Variants in FARP2 observed in about 807,000 individuals in gnomAD.
FARP2 encodes FERM, ARHGEF and pleckstrin domain-containing protein 2.
FARP2 carries 111 observed loss-of-function variants against 130.5 expected under a neutral mutation model. The observed-to-expected ratio is 0.85, with a 90% CI of 0.73 to 1.00. The LOEUF (loss-of-function observed/expected upper bound fraction) is 1.00, where lower values mean the gene tolerates loss of function less well. Among genes scored for constraint, FARP2 ranks in the 50% least tolerant of loss-of-function variants. The pLI, the probability that FARP2 is intolerant of heterozygous loss-of-function variation, is 0.00. For synonymous variants in FARP2, 504 were observed against 516.9 expected, an observed-to-expected ratio of 0.98 and a Z score of 0.34; for missense variants, 1,385 against 1,346.3, an observed-to-expected ratio of 1.03 and a Z score of -0.45.
intron 8 of FARP2, among the ~76,000 whole-genome samples, chr2:241,428,456 A>C (rs934274873): frequency 3.3e-5 from 5 of 151,712 alleles, no homozygotes; most frequent in Non-Finnish European, 7.4e-5. Context: ...TCAGCCTCCC[A>C]AAGTGCTGGG....
chr2:241,409,049 TAGATA>T (rs2062444033), intron 5 of FARP2, among the ~76,000 whole-genome samples: 1 of 151,130 alleles, frequency 6.6e-6, no homozygotes, highest in South Asian at 2.1e-4. Flanking sequence ...GATAGATAGA[TAGATA>T]GATAGATAGA....
Position 241,418,021 on chromosome 2 carries a change from T to C in FARP2, c.683T>C (p.Met228Thr), listed in dbSNP as rs750716049. The change falls in exon 8 of 27, where the codon ATG (methionine) becomes ACG (threonine). Residue 228 changes from methionine (M) to threonine (T), a missense_variant. Physicochemically the swap from Met to Thr is moderately conservative, Grantham distance 81 (BLOSUM62 -1). Coordinates refer to ENST00000264042, the MANE Select transcript of FARP2 (RefSeq NM_014808.4). ...QVLEIARKLE[M>T]YGIRFHMASD... ...CTCGAAATTGCTCGAAAGTTGGAAA[T>C]GTACGGCATCAGATTTCACATGGCT... 1.9e-6 allele frequency: 3 copies of C among 1,614,072 alleles called. No individual in the cohort carries two copies. Among genetic ancestry groups the C allele is most frequent in the East Asian group, 2.2e-5 (1 of 44,892 alleles).
intron 2 of FARP2, among the ~76,000 whole-genome samples, chr2:241,381,825 A>C (rs2150314173): frequency 6.6e-6 from 1 of 152,334 alleles, no homozygotes. Flanking sequence ...TAACACTTGC[A>C]CTGCAGCATC....
At chr2:241,421,130 A>G (rs895963185) in intron 8 of FARP2, among the ~76,000 whole-genome samples, 2 of 152,092 alleles carry the variant, frequency 1.3e-5, no homozygotes, top group South Asian at 4.1e-4. Context: ...GTGCAACCTC[A>G]CCCAGGAAAC....
chr2:241,402,298 C>T (rs1212468092), intron 2 of FARP2, among the ~76,000 whole-genome samples: 1 of 152,184 alleles, frequency 6.6e-6, no homozygotes, highest in Non-Finnish European at 1.5e-5. Context: ...TTCTCACAGA[C>T]ACACCAATAT....
At chr2:241,410,746 T>C (rs529486992) in intron 5 of FARP2, among the ~76,000 whole-genome samples, 5 of 152,276 alleles carry the variant, frequency 3.3e-5, no homozygotes, top group African/African-American at 1.2e-4. Context: ...TTTTTTTTAT[T>C]GTTCACATCA....
chr2:241,402,836 T>TTATATATATA (rs1215612816), intron 2 of FARP2, among the ~76,000 whole-genome samples: 45 of 16,764 alleles, frequency 2.7e-3, no homozygotes, highest in East Asian at 2.9e-3. Flanking sequence ...CCCAGCTAAT[T>TTATATATATA]TATATATATA....
intron 7 of FARP2, among the ~76,000 whole-genome samples, chr2:241,414,879 A>G (rs1255778289): frequency 6.6e-6 from 1 of 152,186 alleles, no homozygotes; most frequent in African/African-American, 2.4e-5. Context: ...CCAGCCTGGG[A>G]AGGGAGGGAG....
At chr2:241,394,517 CA>C (rs10592643) in intron 2 of FARP2, among the ~76,000 whole-genome samples, 4,299 of 79,788 alleles carry the variant, frequency 0.054, 350 homozygotes, top group Admixed American at 0.26. Flanking sequence ...GACTCCATCT[CA>C]AAAAAAAAAA....
chr2:241,465,350 C>G (rs759216096), intron 17 of FARP2: 5 of 816,798 alleles, frequency 6.1e-6, no homozygotes, highest in Non-Finnish European at 1.0e-5. Context: ...AGTCCCCCCT[C>G]CCCAGGGCAG....
intron 9 of FARP2, 99 bp from the exon 10 acceptor site, chr2:241,434,059 A>G (rs2063157588): frequency 1.1e-6 from 1 of 946,432 alleles, no homozygotes; most frequent in African/African-American, 1.7e-5. Flanking sequence ...CTGATTTTTA[A>G]TTTTGGAATT....
At chr2:241,453,539 A>C (rs189211476) in intron 13 of FARP2, among the ~76,000 whole-genome samples, 1 of 151,238 alleles carries the variant, frequency 6.6e-6, no homozygotes. Flanking sequence ...GGAGAATGGC[A>C]TGAACCTGGG....
At chr2:241,462,494 G>A (rs533833152) in intron 14 of FARP2, 29 bp from the exon 15 acceptor site, 19 of 1,551,754 alleles carry the variant, frequency 1.2e-5, no homozygotes, top group South Asian at 4.5e-5. Flanking sequence ...TCCCAGGGAC[G>A]CACACTTACA....
intron 2 of FARP2, among the ~76,000 whole-genome samples, chr2:241,397,688 A>G (rs2062063321): frequency 6.6e-6 from 1 of 152,042 alleles, no homozygotes. Flanking sequence ...CAGCGGTAGA[A>G]TCAGCTGCTT....
In FARP2 at chr2:241,456,771, C is replaced by T. The variant is rs1021042540; in HGVS notation, c.1436C>T (p.Pro479Leu). Residue 479 changes from proline (P) to leucine (L), a missense_variant, in exon 14 of 27, where the codon CCT becomes CTT. By Grantham distance (98) the Pro-to-Leu change is moderately conservative (BLOSUM62 -3). Transcript: ENST00000264042. Reference sequence around the variant, plus strand: ...GGCCTTTCCACGAAGAGTCCTCAGCCTTCTCCCTCCAGCCGGAAGAGCCCC... The same window carrying T: ...GGCCTTTCCACGAAGAGTCCTCAGCTTTCTCCCTCCAGCCGGAAGAGCCCC... ...GPGLSTKSPQ[P>L]SPSSRKSPLS... 6.2e-7 allele frequency: 1 copy of T among 1,614,154 alleles called. No homozygotes were observed. Among genetic ancestry groups the T allele is most frequent in the South Asian group, 1.1e-5 (1 of 91,084 alleles).
At chr2:241,465,750 G>GACGAC in intron 17 of FARP2, 1 of 1,550,662 alleles carries the variant, frequency 6.4e-7, no homozygotes, top group Non-Finnish European at 8.7e-7. Context: ...CCACAGTGAC[G>GACGAC]ACGACGACTC....
intron 26 of FARP2, chr2:241,493,776 T>C (rs1475401985): frequency 4.2e-6 from 2 of 477,470 alleles, no homozygotes; most frequent in African/African-American, 2.0e-5. Context: ...TTTGTATTTT[T>C]AGTAGAGACA....
intron 17 of FARP2, among the ~76,000 whole-genome samples, chr2:241,464,452 CAG>C (rs1481359400): frequency 6.7e-6 from 1 of 148,404 alleles, no homozygotes; most frequent in African/African-American, 2.5e-5. Context: ...CCCCTCAAAA[CAG>C]GGGCCCCCTC....
chr2:241,364,054 A>G (rs1023816665), intron 1 of FARP2, among the ~76,000 whole-genome samples: 1 of 152,222 alleles, frequency 6.6e-6, no homozygotes, highest in Admixed American at 6.5e-5. Context: ...GCAAAAGCAC[A>G]TTGCAGATGT....
Sources: allele counts gnomAD v4.1 joint callset (sites outside exome capture counted in the v4.1 genomes callset), GRCh38; gene constraint gnomAD v4.1.1; transcripts MANE v1.5; gene names NCBI Gene and HGNC (gene_info 2026-07-23, HGNC 2026-07-21).